The following ZEB1 variants were observed in gnomAD, a reference collection of about 807,000 sequenced individuals.
ZEB1 encodes zinc finger E-box binding homeobox 1.
A neutral mutation model predicts 84.9 loss-of-function variants in ZEB1; 21 were observed. That is an observed-to-expected ratio of 0.25 (90% CI 0.18 to 0.36). The LOEUF (loss-of-function observed/expected upper bound fraction) is 0.36, where lower values mean the gene tolerates loss of function less well. Ranked by LOEUF, ZEB1 falls within the 10% of genes least tolerant of loss-of-function variation. The pLI, the probability that ZEB1 is intolerant of heterozygous loss-of-function variation, is 1.00. For missense variants in ZEB1, 1,104 were observed against 1,330.2 expected (o/e 0.83, Z 2.65); for synonymous variants, 420 against 471.1 (o/e 0.89, Z 1.41).
At chr10:31,331,131 C>T (rs1436799112) in intron 1 of ZEB1, among the ~76,000 whole-genome samples, 1 of 128,710 alleles carries the variant, frequency 7.8e-6, no homozygotes, top group Non-Finnish European at 1.5e-5. Flanking sequence ...GCTGTGTTGC[C>T]CAGGCTGGAA....
At chr10:31,394,737 C>T (rs979075028) in intron 1 of ZEB1, among the ~76,000 whole-genome samples, 1 of 152,192 alleles carries the variant, frequency 6.6e-6, no homozygotes, top group South Asian at 2.1e-4. Flanking sequence ...AATGTTCCGT[C>T]ATATGCATGT....
At chr10:31,337,398 CTTAT>C (rs2038360720) in intron 1 of ZEB1, among the ~76,000 whole-genome samples, 1 of 151,404 alleles carries the variant, frequency 6.6e-6, no homozygotes, top group Non-Finnish European at 1.5e-5. Context: ...TATTGTATTA[CTTAT>C]TATACCTTAA....
At chr10:31,361,623 C>A (rs185336970) in intron 1 of ZEB1, among the ~76,000 whole-genome samples, 144 of 152,046 alleles carry the variant, frequency 9.5e-4, no homozygotes, top group Middle Eastern at 3.4e-3. Flanking sequence ...AGAGGCACTC[C>A]TCCCTTACAA....
chr10:31,447,803 C>G (rs1029114291), intron 1 of ZEB1, among the ~76,000 whole-genome samples: 1 of 152,138 alleles, frequency 6.6e-6, no homozygotes, highest in Non-Finnish European at 1.5e-5. Context: ...GATGGGCTTC[C>G]CTTTGAGGGT....
intron 1 of ZEB1, among the ~76,000 whole-genome samples, chr10:31,400,375 T>C (rs2051729455): frequency 6.6e-6 from 1 of 152,136 alleles, no homozygotes; most frequent in Non-Finnish European, 1.5e-5. Flanking sequence ...ATTCAAATAT[T>C]CCAGTAAATG....
intron 1 of ZEB1, among the ~76,000 whole-genome samples, chr10:31,385,860 T>G (rs1010448445): frequency 2.6e-5 from 4 of 152,168 alleles, no homozygotes; most frequent in Non-Finnish European, 4.4e-5. Context: ...TTTATCAAAT[T>G]TGGAAACAGT....
At chr10:31,486,810 T>A (rs1025208932) in intron 2 of ZEB1, among the ~76,000 whole-genome samples, 2 of 151,576 alleles carry the variant, frequency 1.3e-5, no homozygotes, top group Non-Finnish European at 3.0e-5. Flanking sequence ...TTTCTTTTTA[T>A]GGATCATGAT....
chr10:31,472,540 A>G (rs1222458367), intron 2 of ZEB1, among the ~76,000 whole-genome samples: 1 of 148,492 alleles, frequency 6.7e-6, no homozygotes, highest in Non-Finnish European at 1.5e-5. Flanking sequence ...GACCAATAAC[A>G]GGATCTGAAA....
intron 1 of ZEB1, among the ~76,000 whole-genome samples, chr10:31,406,612 G>C (rs2053112294): frequency 6.6e-6 from 1 of 152,042 alleles, no homozygotes; most frequent in South Asian, 2.1e-4. Flanking sequence ...AGATGGATAG[G>C]TTGCAAAAAT....
intron 6 of ZEB1, 82 bp downstream of exon 6, chr10:31,514,790 A>T: frequency 8.8e-7 from 1 of 1,142,740 alleles, no homozygotes; most frequent in Non-Finnish European, 1.3e-6. Context: ...TAATCTACGT[A>T]CATGATCAGA....
chr10:31,339,386 C>T (rs945784318), intron 1 of ZEB1, among the ~76,000 whole-genome samples: 2 of 152,132 alleles, frequency 1.3e-5, no homozygotes, highest in African/African-American at 4.8e-5. Context: ...TTTCCTGTCT[C>T]TTTGCACATG....
intron 1 of ZEB1, among the ~76,000 whole-genome samples, chr10:31,431,190 A>G (rs1242254884): frequency 3.9e-5 from 6 of 152,210 alleles, no homozygotes; most frequent in African/African-American, 1.4e-4. Flanking sequence ...TCTCTCACCT[A>G]GTTCCAGGTA....
chr10:31,368,764 A>G (rs939031613), intron 1 of ZEB1, among the ~76,000 whole-genome samples: 1 of 152,168 alleles, frequency 6.6e-6, no homozygotes, highest in Non-Finnish European at 1.5e-5. Flanking sequence ...GTTCCCTTTT[A>G]GTTCATAGAC....
intron 1 of ZEB1, among the ~76,000 whole-genome samples, chr10:31,395,907 A>G (rs2050625641): frequency 6.6e-6 from 1 of 152,228 alleles, no homozygotes; most frequent in South Asian, 2.1e-4. Context: ...AATTTGAACT[A>G]AAATCAAGGC....
At chr10:31,368,116 A>G (rs2044909461) in intron 1 of ZEB1, among the ~76,000 whole-genome samples, 1 of 152,038 alleles carries the variant, frequency 6.6e-6, no homozygotes. Flanking sequence ...GTCCCACAGT[A>G]TTTGCATGTA....
At chr10:31,491,762 T>G (rs992494388) in intron 2 of ZEB1, among the ~76,000 whole-genome samples, 5 of 151,950 alleles carry the variant, frequency 3.3e-5, no homozygotes, top group Non-Finnish European at 5.9e-5. Flanking sequence ...TAACTGGATC[T>G]GACCTCAGGT....
At chr10:31,348,097 C>A (rs2133790912) in intron 1 of ZEB1, among the ~76,000 whole-genome samples, 1 of 152,198 alleles carries the variant, frequency 6.6e-6, no homozygotes, top group East Asian at 1.9e-4. Flanking sequence ...ATTCTACTGG[C>A]CTTAATTCTC....
At chr10:31,406,083 A>G (rs929606592) in intron 1 of ZEB1, among the ~76,000 whole-genome samples, 1 of 152,238 alleles carries the variant, frequency 6.6e-6, no homozygotes, top group African/African-American at 2.4e-5. Context: ...TTCTTTATCC[A>G]GTCTATCATT....
At chr10:31,471,424 A>C (rs2063223329) in intron 2 of ZEB1, among the ~76,000 whole-genome samples, 2 of 151,670 alleles carry the variant, frequency 1.3e-5, no homozygotes, top group South Asian at 4.2e-4. Context: ...CTAGTCTCTG[A>C]TAAAACAGAC....
Sources: allele counts gnomAD v4.1 joint callset (sites outside exome capture counted in the v4.1 genomes callset), GRCh38; gene constraint gnomAD v4.1.1; transcripts MANE v1.5; gene names NCBI Gene and HGNC (gene_info 2026-07-23, HGNC 2026-07-21).